The following MAD1L1 variants were observed in gnomAD, a reference collection of about 807,000 sequenced individuals.
MAD1L1 encodes the protein mitotic arrest deficient 1 like 1.
Under a neutral mutation model 96.9 loss-of-function variants are expected in MAD1L1, and 95 were observed. The observed-to-expected ratio is 0.98, with a 90% CI of 0.83 to 1.16. The LOEUF is 1.16. Among genes scored for constraint, MAD1L1 ranks in the 50% most tolerant of loss-of-function variants. MAD1L1 has a pLI of 0.00. For missense variants in MAD1L1, 1,007 were observed against 954.4 expected (o/e 1.06, Z -0.73); for synonymous variants, 473 against 396.6 (o/e 1.19, Z -2.29).
chr7:1,869,728 C>G (rs1044308254), intron 18 of MAD1L1, among the ~76,000 whole-genome samples: 1 of 152,172 alleles, frequency 6.6e-6, no homozygotes. Context: ...TTGAGGGGGC[C>G]GAGGACCACA....
At chr7:2,185,407 G>C (rs182298487) in intron 10 of MAD1L1, among the ~76,000 whole-genome samples, 3 of 152,324 alleles carry the variant, frequency 2.0e-5, no homozygotes, top group Admixed American at 2.0e-4. Context: ...ACTTTCTGCA[G>C]CCTGACGGAG....
At chr7:1,965,750 C>T (rs562173311) in intron 15 of MAD1L1, among the ~76,000 whole-genome samples, 3 of 152,378 alleles carry the variant, frequency 2.0e-5, no homozygotes, top group African/African-American at 7.2e-5. Flanking sequence ...TCCAGATGGG[C>T]AGGACAAACT....
chr7:2,197,521 T>G (rs1359542522), intron 10 of MAD1L1, among the ~76,000 whole-genome samples: 2 of 152,154 alleles, frequency 1.3e-5, no homozygotes, highest in Non-Finnish European at 2.9e-5. Flanking sequence ...ACACACGACG[T>G]GCACTGCACA....
At chr7:2,143,582 G>T (rs1789149282) in intron 11 of MAD1L1, among the ~76,000 whole-genome samples, 1 of 151,670 alleles carries the variant, frequency 6.6e-6, no homozygotes, top group African/African-American at 2.4e-5. Flanking sequence ...TGACTCTCGA[G>T]TCCCTTATGC....
intron 18 of MAD1L1, among the ~76,000 whole-genome samples, chr7:1,897,502 G>A (rs1444970742): frequency 1.3e-5 from 2 of 152,186 alleles, no homozygotes; most frequent in African/African-American, 4.8e-5. Context: ...AGCTCACCGG[G>A]GCAGTGATGA....
At chr7:2,060,337 G>A (rs1784598401) in intron 12 of MAD1L1, among the ~76,000 whole-genome samples, 1 of 148,884 alleles carries the variant, frequency 6.7e-6, no homozygotes, top group Non-Finnish European at 1.5e-5. Context: ...ATACGCCAAT[G>A]CCAAGATGTC....
chr7:2,118,605 G>A (rs190118944), intron 11 of MAD1L1, among the ~76,000 whole-genome samples: 1 of 152,198 alleles, frequency 6.6e-6, no homozygotes, highest in South Asian at 2.1e-4. Context: ...ACAGGCCCTC[G>A]ATGTCCAAGT....
intron 12 of MAD1L1, among the ~76,000 whole-genome samples, chr7:2,051,991 T>C (rs926718113): frequency 5.9e-5 from 9 of 152,020 alleles, no homozygotes; most frequent in African/African-American, 2.2e-4. Context: ...GGAATGGATG[T>C]TTACAGGGGC....
chr7:1,877,346 T>C lies in MAD1L1; in HGVS notation c.1998+20854A>G, dbSNP rs575294571. 5.2e-3 allele frequency among the ~76,000 whole-genome samples: 795 copies of C among 152,044 alleles called. 10 individuals are homozygous for C. The highest frequency in any genetic ancestry group is 0.018 in the African/African-American group (763 of 41,442). On this transcript the variant is annotated intron_variant, in intron 18 of 18. Coordinates refer to ENST00000265854, the MANE Select transcript of MAD1L1 (RefSeq NM_001013836.2). ...CCCAAAGCCTAAAATATTTGATACC[T>C]GTTTCTTTACAGGAAAGGTTTACTG...
At chr7:1,993,568 A>AT (rs1297510948) in intron 14 of MAD1L1, among the ~76,000 whole-genome samples, 2 of 152,124 alleles carry the variant, frequency 1.3e-5, no homozygotes. Flanking sequence ...CTGCACTGAG[A>AT]TTTTCTTCTG....
At chr7:2,198,062 C>T (rs2114945290) in intron 10 of MAD1L1, among the ~76,000 whole-genome samples, 1 of 151,982 alleles carries the variant, frequency 6.6e-6, no homozygotes, top group Admixed American at 6.5e-5. Flanking sequence ...CCGCTCATCC[C>T]AAGGTCCACC....
At chr7:2,223,957 G>C (rs1034184194) in intron 4 of MAD1L1, among the ~76,000 whole-genome samples, 10 of 152,178 alleles carry the variant, frequency 6.6e-5, no homozygotes, top group Non-Finnish European at 1.5e-4. Flanking sequence ...GGACAGTCCT[G>C]TTAGAAGGTG....
At chr7:1,858,373 T>A (rs1784361193) in intron 18 of MAD1L1, among the ~76,000 whole-genome samples, 2 of 152,350 alleles carry the variant, frequency 1.3e-5, no homozygotes, top group South Asian at 4.1e-4. Context: ...CTTTTGTTTT[T>A]GCCTTGGCTC....
At chr7:2,112,100 C>T (rs1787411543) in intron 11 of MAD1L1, among the ~76,000 whole-genome samples, 1 of 152,152 alleles carries the variant, frequency 6.6e-6, no homozygotes, top group South Asian at 2.1e-4. Context: ...CACACAGCCA[C>T]GCGGTGAGTC....
intron 14 of MAD1L1, among the ~76,000 whole-genome samples, chr7:1,997,100 G>A (rs1046370715): frequency 6.6e-6 from 1 of 152,190 alleles, no homozygotes; most frequent in Non-Finnish European, 1.5e-5. Flanking sequence ...TTGTACTTAT[G>A]CTTACTAATT....
At chr7:2,050,190 C>T (rs1177358741) in intron 12 of MAD1L1, among the ~76,000 whole-genome samples, 3 of 151,562 alleles carry the variant, frequency 2.0e-5, no homozygotes, top group East Asian at 1.9e-4. Context: ...CCAGCGTCTG[C>T]GGGCACCAGA....
chr7:1,864,787 G>GC (rs1224752309), intron 18 of MAD1L1, among the ~76,000 whole-genome samples: 10 of 152,046 alleles, frequency 6.6e-5, no homozygotes, highest in Non-Finnish European at 1.2e-4. Flanking sequence ...AGAGCCTGGT[G>GC]CCCCCCGCCC....
chr7:1,943,031 T>C (rs1467714721), intron 16 of MAD1L1, among the ~76,000 whole-genome samples: 1 of 152,046 alleles, frequency 6.6e-6, no homozygotes, highest in Non-Finnish European at 1.5e-5. Flanking sequence ...TAGGGAAAAA[T>C]AGTCTTTTCA....
At chr7:1,955,041 G>A (rs1040514057) in intron 16 of MAD1L1, among the ~76,000 whole-genome samples, 5 of 152,198 alleles carry the variant, frequency 3.3e-5, no homozygotes, top group Non-Finnish European at 5.9e-5. Flanking sequence ...CTGGTCTCCT[G>A]GCCTCAGCAC....
Sources: allele counts gnomAD v4.1 joint callset (sites outside exome capture counted in the v4.1 genomes callset), GRCh38; gene constraint gnomAD v4.1.1; transcripts MANE v1.5; gene names NCBI Gene and HGNC (gene_info 2026-07-23, HGNC 2026-07-21).